The following KCNB2 variants were observed in gnomAD, a reference collection of about 807,000 sequenced individuals.
The protein encoded by KCNB2 is potassium voltage-gated channel subfamily B member 2.
KCNB2 carries 15 observed loss-of-function variants against 61.5 expected under a neutral mutation model. The observed-to-expected ratio is 0.24, with a 90% CI of 0.16 to 0.38. The LOEUF (loss-of-function observed/expected upper bound fraction) is 0.38, where lower values mean the gene tolerates loss of function less well. Among genes scored for constraint, KCNB2 ranks in the 10% least tolerant of loss-of-function variants. KCNB2 has a pLI of 1.00. For missense variants in KCNB2, 828 were observed against 1,125.2 expected (o/e 0.74, Z 3.78); for synonymous variants, 457 against 446.0 (o/e 1.02, Z -0.31).
chr8:72,761,526 T>C (rs999349321), intron 2 of KCNB2, among the ~76,000 whole-genome samples: 6 of 152,208 alleles, frequency 3.9e-5, no homozygotes, highest in African/African-American at 1.4e-4. Context: ...GAGTGATTGC[T>C]GGAACCTTCA....
chr8:72,570,963 A>G (rs1806698832), intron 2 of KCNB2, among the ~76,000 whole-genome samples: 1 of 152,232 alleles, frequency 6.6e-6, no homozygotes, highest in South Asian at 2.1e-4. Context: ...TATTCTTAAA[A>G]TATTCTCTTA....
chr8:72,769,577 G>A (rs1215122488), intron 2 of KCNB2, among the ~76,000 whole-genome samples: 1 of 152,184 alleles, frequency 6.6e-6, no homozygotes, highest in East Asian at 1.9e-4. Context: ...CAGTGGAATG[G>A]AGGGAAGCGA....
intron 1 of KCNB2, among the ~76,000 whole-genome samples, chr8:72,550,570 A>C (rs1314046571): frequency 6.6e-6 from 1 of 152,126 alleles, no homozygotes; most frequent in Non-Finnish European, 1.5e-5. Flanking sequence ...TGGTGTGCTA[A>C]ATTGGGGAAG....
intron 2 of KCNB2, among the ~76,000 whole-genome samples, chr8:72,764,951 C>A (rs2919399): frequency 6.6e-6 from 1 of 152,030 alleles, no homozygotes; most frequent in Non-Finnish European, 1.5e-5. Flanking sequence ...GCACAGAGTA[C>A]GAACTGGCTA....
At chr8:72,605,279 GGCCTGCT>G (rs1805425733) in intron 2 of KCNB2, among the ~76,000 whole-genome samples, 2 of 152,318 alleles carry the variant, frequency 1.3e-5, no homozygotes, top group Admixed American at 6.5e-5. Flanking sequence ...GTGCCATGGA[GGCCTGCT>G]TGCTCCTTGG....
chr8:72,796,460 A>AC (rs1276229207), intron 2 of KCNB2, among the ~76,000 whole-genome samples: 1 of 152,216 alleles, frequency 6.6e-6, no homozygotes, highest in African/African-American at 2.4e-5. Flanking sequence ...TTCCAAATAT[A>AC]TAAAAAATAA....
chr8:72,664,562 T>C (rs1279162477), intron 2 of KCNB2, among the ~76,000 whole-genome samples: 1 of 152,200 alleles, frequency 6.6e-6, no homozygotes. Flanking sequence ...CTGTAGAATC[T>C]GTTATTTCAA....
intron 2 of KCNB2, among the ~76,000 whole-genome samples, chr8:72,588,623 A>C (rs372734570): frequency 1.3e-5 from 2 of 152,110 alleles, no homozygotes; most frequent in South Asian, 4.1e-4. Flanking sequence ...GTCAGGCATG[A>C]TGGCCTATGT....
chr8:72,649,858 A>G (rs950345686), intron 2 of KCNB2, among the ~76,000 whole-genome samples: 1 of 152,186 alleles, frequency 6.6e-6, no homozygotes, highest in Non-Finnish European at 1.5e-5. Context: ...TGACTCCAAC[A>G]GGTGAAACCT....
intron 2 of KCNB2, among the ~76,000 whole-genome samples, chr8:72,896,391 C>G (rs866364541): frequency 6.6e-6 from 1 of 152,202 alleles, no homozygotes; most frequent in Middle Eastern, 3.4e-3. Context: ...TGGCTATGAG[C>G]ACAGTATCTT....
chr8:72,587,472 C>A (rs2128981105), intron 2 of KCNB2, among the ~76,000 whole-genome samples: 1 of 152,252 alleles, frequency 6.6e-6, no homozygotes, highest in Non-Finnish European at 1.5e-5. Context: ...ACCTTTAATC[C>A]CAGCACTTTG....
In KCNB2 at chr8:72,597,001, C is replaced by CTTTTTTTTTTTTTTTTT. The variant is rs869160203; in HGVS notation, c.579+28713_579+28729dup. On this transcript the variant is annotated intron_variant, in intron 2 of 2. Coordinates refer to ENST00000523207, the MANE Select transcript of KCNB2 (RefSeq NM_004770.3). ...GCATGCTTGCTTGCTTGCTTGCTTG[C>CTTTTTTTTTTTTTTTTT]TTTTTTTTTTTTTTTTTTTTTTTTT... Among the ~76,000 whole-genome samples, 15 of 64,660 alleles carry CTTTTTTTTTTTTTTTTT rather than the reference C, an allele frequency of 2.3e-4. 2 individuals carry two copies. The highest frequency in any genetic ancestry group is 3.4e-4 in the Non-Finnish European group (13 of 38,532). The allele number at this position is 64,660 out of a possible 152,430, so 42.4% of individuals were successfully genotyped here. A position where few individuals can be genotyped will look rare whatever the true frequency, so the allele number is the denominator to read the frequency against.
chr8:72,915,098 G>A (rs1806368204), intron 2 of KCNB2, among the ~76,000 whole-genome samples: 1 of 151,874 alleles, frequency 6.6e-6, no homozygotes, highest in Non-Finnish European at 1.5e-5. Flanking sequence ...ATTAGAGACG[G>A]CGTTTCACCA....
chr8:72,710,077 C>A (rs1375313526), intron 2 of KCNB2, among the ~76,000 whole-genome samples: 1 of 152,156 alleles, frequency 6.6e-6, no homozygotes, highest in Non-Finnish European at 1.5e-5. Flanking sequence ...TTGAACCACT[C>A]CCCATCATCC....
intron 2 of KCNB2, among the ~76,000 whole-genome samples, chr8:72,731,646 A>G (rs1467460006): frequency 6.6e-6 from 1 of 152,218 alleles, no homozygotes; most frequent in Non-Finnish European, 1.5e-5. Flanking sequence ...TGAACATATC[A>G]TTTGACCTTT....
intron 2 of KCNB2, among the ~76,000 whole-genome samples, chr8:72,631,455 G>A (rs1038238588): frequency 6.6e-6 from 1 of 152,154 alleles, no homozygotes; most frequent in African/African-American, 2.4e-5. Context: ...TCTTCACATG[G>A]TGTTCTTGCT....
chr8:72,856,062 T>A (rs1810203078), intron 2 of KCNB2, among the ~76,000 whole-genome samples: 1 of 152,168 alleles, frequency 6.6e-6, no homozygotes, highest in Non-Finnish European at 1.5e-5. Flanking sequence ...ACAGTTTTAA[T>A]CTGCAGGTGG....
At position 72,568,304 on chromosome 8, in the gene KCNB2, G is replaced by A. The variant is rs762137084; in HGVS notation, c.570G>A (p.Val190=). The change falls in exon 2 of 3, where the codon GTG becomes GTA. Residue 190 remains valine (V), a synonymous_variant. Transcript: ENST00000523207. ...TGCTGGAGAAACCTAACTCATCAGT[G>A]GCTGCAAAGGTATGAAACCCATAGT... ...WDLLEKPNSS[V]AAKILAIVSI... is the part of the protein sequence containing the mutation. 2 of 1,609,696 alleles carry A rather than the reference G, an allele frequency of 1.2e-6. No individual in the cohort carries two copies. The highest frequency in any genetic ancestry group is 1.3e-5 in the African/African-American group (1 of 74,464).
At position 72,568,304 on chromosome 8, in the gene KCNB2, G is replaced by C. The variant is rs762137084; in HGVS notation, c.570G>C (p.Val190=). Residue 190 remains valine, a synonymous_variant, in exon 2 of 3, where the codon GTG becomes GTC. Transcript: ENST00000523207. ...WDLLEKPNSS[V]AAKILAIVSI... ...TGCTGGAGAAACCTAACTCATCAGT[G>C]GCTGCAAAGGTATGAAACCCATAGT... 2 of 1,609,814 alleles carry C rather than the reference G, an allele frequency of 1.2e-6. No individual in the cohort carries two copies. Among genetic ancestry groups the C allele is most frequent in the Non-Finnish European group, 1.7e-6 (2 of 1,178,594 alleles).
Sources: allele counts gnomAD v4.1 joint callset (sites outside exome capture counted in the v4.1 genomes callset), GRCh38; gene constraint gnomAD v4.1.1; transcripts MANE v1.5; gene names NCBI Gene and HGNC (gene_info 2026-07-23, HGNC 2026-07-21).